The following ACTL6B variants were observed in gnomAD, a reference collection of about 807,000 sequenced individuals.
ACTL6B encodes the protein actin-like protein 6B.
Under a neutral mutation model 63.3 loss-of-function variants are expected in ACTL6B, and 48 were observed. The ratio of observed to expected loss-of-function variants is 0.76; its 90% CI spans 0.60 to 0.96. The LOEUF (loss-of-function observed/expected upper bound fraction) is 0.96. Ranked by LOEUF, ACTL6B falls within the 50% of genes least tolerant of loss-of-function variation. The pLI is 0.00. For missense variants in ACTL6B, 350 were observed against 572.2 expected, an observed-to-expected ratio of 0.61 and a Z score of 3.96; for synonymous variants, 230 against 223.8, an observed-to-expected ratio of 1.03 and a Z score of -0.25.
At chr7:100,653,373 G>A (rs1321047012) in intron 4 of ACTL6B, among the ~76,000 whole-genome samples, 1 of 152,124 alleles carries the variant, frequency 6.6e-6, no homozygotes, top group Non-Finnish European at 1.5e-5. Flanking sequence ...AACTGGGCTG[G>A]GTGTGGTGGA....
intron 4 of ACTL6B, 112 bp from the exon 5 acceptor site, chr7:100,650,247 C>T: frequency 1.2e-6 from 1 of 824,072 alleles, no homozygotes; most frequent in Non-Finnish European, 2.0e-6. Flanking sequence ...ACACACACAT[C>T]CAAACACTTG....
chr7:100,654,380 A>C (rs976168064), intron 4 of ACTL6B, among the ~76,000 whole-genome samples: 5 of 150,794 alleles, frequency 3.3e-5, no homozygotes, highest in African/African-American at 1.2e-4. Flanking sequence ...TGGCTTCCCA[A>C]AGTGTTGGGA....
rs982186670 is a variant in ACTL6B, at chr7:100,648,943, T to TC, written c.468-121dup. ...AGCCCATCCCCAGTCTGCAAATCTC[T>TC]CCCCCTGGTGATGACTCATCTCCTG... On this transcript the variant is annotated intron_variant, in intron 5 of 13. Transcript: ENST00000160382. The surrounding 1 kb of genome is among the most constrained non-coding windows in gnomAD (Gnocchi z 4.4). The TC allele has an allele frequency of 2.2e-6, 2 of 914,696 alleles. No homozygotes were observed. Among genetic ancestry groups the TC allele is most frequent in the African/African-American group, 1.7e-5 (1 of 58,838 alleles). The allele number at this position is 914,696 out of a possible 1,614,324, so 56.7% of individuals were successfully genotyped here.
intron 1 of ACTL6B, 146 bp downstream of exon 1, chr7:100,656,184 G>A: frequency 6.9e-6 from 7 of 1,013,494 alleles, no homozygotes; most frequent in Non-Finnish European, 7.9e-6. Flanking sequence ...GGGGAGGACC[G>A]AGCGCAGGGG....
In ACTL6B at chr7:100,646,674, C is replaced by T. The variant is rs368300317; in HGVS notation, c.1018-28G>A. On this transcript the variant is annotated intron_variant, in intron 11 of 13. Coordinates refer to ENST00000160382, the MANE Select transcript of ACTL6B (RefSeq NM_016188.5). This position sits in a 1 kb window ranked among gnomAD's most constrained non-coding sequence, Gnocchi z 6.1. ...GAGAGCAGGGAGAAGGAGTGAGCTG[C>T]GGGGGCAGCCCCCCAACCCCGTCTC... 1.5e-5 allele frequency: 24 copies of T among 1,613,360 alleles called. No homozygotes were observed. The highest frequency in any genetic ancestry group is 8.0e-5 in the African/African-American group (6 of 75,034).
intron 5 of ACTL6B, among the ~76,000 whole-genome samples, chr7:100,649,679 T>A (rs1390782854): frequency 6.6e-6 from 1 of 152,216 alleles, no homozygotes; most frequent in Non-Finnish European, 1.5e-5. Context: ...CAGGGTTCAA[T>A]GCAAGGCAGA....
At position 100,648,387 on chromosome 7, in the gene ACTL6B, C is replaced by T; in HGVS notation, c.669+169G>A. 1.6e-6 allele frequency: 1 copy of T among 613,432 alleles called. No individual in the cohort carries two copies. The highest frequency in any genetic ancestry group is 2.1e-5 in the South Asian group (1 of 46,696). The allele number at this position is 613,432 out of a possible 1,614,324, so 38.0% of individuals were successfully genotyped here. ...GGTTTCATGACCTCAGCATATCCCT[C>T]AGCCTGTCTGGATTTCGGATGCCTC... On this transcript the variant is annotated intron_variant, in intron 7 of 13. Transcript: ENST00000160382. The surrounding 1 kb of genome is among the most constrained non-coding windows in gnomAD (Gnocchi z 4.4).
chr7:100,646,875 C>T lies in ACTL6B; in HGVS notation c.937-44G>A, dbSNP rs776351615. The T allele has an allele frequency of 2.5e-6, 4 of 1,600,038 alleles. No homozygotes were observed. Among genetic ancestry groups the T allele is most frequent in the South Asian group, 2.2e-5 (2 of 90,042 alleles). On this transcript the variant is annotated intron_variant, in intron 10 of 13. Transcript: ENST00000160382. The surrounding 1 kb of genome is among the most constrained non-coding windows in gnomAD (Gnocchi z 6.1). ...GGGGCTGTGGGCTCTCTCCCCCTTC[C>T]CCCCAGACCCCTGCAATCCTTCCCA... is the stretch of plus-strand genomic sequence containing the variant.
chr7:100,649,994 C>G, intron 5 of ACTL6B, 44 bp downstream of exon 5: 1 of 1,581,460 alleles, frequency 6.3e-7, no homozygotes, highest in Non-Finnish European at 8.7e-7. Flanking sequence ...ACAGGCCCCA[C>G]CCCAGCCCTC....
chr7:100,648,887 T>C lies in ACTL6B; in HGVS notation c.468-64A>G, dbSNP rs1015671149. The C allele has an allele frequency of 2.0e-6, 3 of 1,503,098 alleles. No individual in the cohort carries two copies. The African/African-American group carries it at 4.1e-5, about 21-fold the overall frequency. 93.1% of individuals were successfully genotyped at this position (1,503,098 alleles called of 1,614,324 possible). A position where few individuals can be genotyped will look rare whatever the true frequency, so the allele number is the denominator to read the frequency against. Reference sequence around the variant, plus strand: ...AAGTGAGGGGCCTGGGCCCAGATCTTGTCTGGTCACTCTCTGCTCTACCGG... The same window carrying C: ...AAGTGAGGGGCCTGGGCCCAGATCTCGTCTGGTCACTCTCTGCTCTACCGG... On this transcript the variant is annotated intron_variant, in intron 5 of 13. Transcript: ENST00000160382. The surrounding 1 kb of genome is among the most constrained non-coding windows in gnomAD (Gnocchi z 4.4).
intron 4 of ACTL6B, among the ~76,000 whole-genome samples, chr7:100,652,142 T>C (rs1803950556): frequency 6.6e-6 from 1 of 150,926 alleles, no homozygotes; most frequent in African/African-American, 2.4e-5. Flanking sequence ...CTCACGCCTG[T>C]AATCCCAGCA....
In ACTL6B at chr7:100,647,600, ACTGTTCCCAGCTCTGCAGCTACCTGGCG is replaced by A; in HGVS notation, c.670-95_670-68del. On this transcript the variant is annotated intron_variant, in intron 7 of 13. Transcript: ENST00000160382. The surrounding 1 kb of genome is among the most constrained non-coding windows in gnomAD (Gnocchi z 4.4). ...TGACCCCCACCCCCACCTTCCTGGC[ACTGTTCCCAGCTCTGCAGCTACCTGGCG>A]CTGCAGGCTCTGCTGTGCTGCCTGC... 8.1e-7 allele frequency: 1 copy of A among 1,236,588 alleles called. No homozygotes were observed. The allele number at this position is 1,236,588 out of a possible 1,614,324, so 76.6% of individuals were successfully genotyped here.
rs763660899 is a variant in ACTL6B at position 100,646,671 on chromosome 7, C to T, written c.1018-25G>A. 7 of 1,613,650 alleles carry T rather than the reference C, an allele frequency of 4.3e-6. No individual in the cohort carries two copies. The Admixed American group carries it at 5.0e-5, about 12-fold the overall frequency. ...CCTGAGAGCAGGGAGAAGGAGTGAG[C>T]TGCGGGGGCAGCCCCCCAACCCCGT... On this transcript the variant is annotated intron_variant, in intron 11 of 13. Transcript: ENST00000160382. The surrounding 1 kb of genome is among the most constrained non-coding windows in gnomAD (Gnocchi z 6.1).
Position 100,655,161 on chromosome 7 carries a change from G to T in ACTL6B, c.269-42C>A. ...AGCGTGCAGAGACGCAAGAAGGCAG[G>T]CAGGGGACAGGGACAGGAAGAAAAG... On this transcript the variant is annotated intron_variant, in intron 3 of 13. Coordinates refer to ENST00000160382, the MANE Select transcript of ACTL6B (RefSeq NM_016188.5). This position sits in a 1 kb window ranked among gnomAD's most constrained non-coding sequence, Gnocchi z 4.4. 6.5e-7 allele frequency: 1 copy of T among 1,529,998 alleles called. No homozygotes were observed. Among genetic ancestry groups the T allele is most frequent in the Non-Finnish European group, 9.0e-7 (1 of 1,105,120 alleles). The allele number at this position is 1,529,998 out of a possible 1,614,324, so 94.8% of individuals were successfully genotyped here.
chr7:100,646,873 T>TC lies in ACTL6B; in HGVS notation c.937-43dup. ...CTGGGGCTGTGGGCTCTCTCCCCCT[T>TC]CCCCCCAGACCCCTGCAATCCTTCC... On this transcript the variant is annotated intron_variant, in intron 10 of 13. Coordinates refer to ENST00000160382, the MANE Select transcript of ACTL6B (RefSeq NM_016188.5). This position sits in a 1 kb window ranked among gnomAD's most constrained non-coding sequence, Gnocchi z 6.1. 2 of 1,598,530 alleles carry TC rather than the reference T, an allele frequency of 1.3e-6. No individual in the cohort carries two copies. The highest frequency in any genetic ancestry group is 1.3e-5 in the African/African-American group (1 of 74,394).
chr7:100,645,086 C>T (rs781251920), intron 13 of ACTL6B, among the ~76,000 whole-genome samples: 1 of 151,998 alleles, frequency 6.6e-6, no homozygotes, highest in Non-Finnish European at 1.5e-5. Context: ...AGGAAAAAAA[C>T]AAGAACTGTG....
In ACTL6B at chr7:100,648,931, T is replaced by G. The variant is rs1803876670; in HGVS notation, c.468-108A>C. The G allele has an allele frequency of 9.9e-7, 1 of 1,005,578 alleles. No homozygotes were observed. 62.3% of individuals were successfully genotyped at this position (1,005,578 alleles called of 1,614,324 possible). On this transcript the variant is annotated intron_variant, in intron 5 of 13. Coordinates refer to ENST00000160382, the MANE Select transcript of ACTL6B (RefSeq NM_016188.5). The surrounding 1 kb of genome is among the most constrained non-coding windows in gnomAD (Gnocchi z 4.4). ...CTACCGGGGTCCAGCCCATCCCCAG[T>G]CTGCAAATCTCTCCCCCTGGTGATG...
rs1803824686 is a variant in ACTL6B, at chr7:100,646,518, G to T, written c.1113+33C>A. The stretch of plus-strand genomic sequence containing the variant: ...CCTGGACAGCTGAGCCAGGACGGGT[G>T]TCCAGGGCTCTGGGTCAGGGGTGGG... On this transcript the variant is annotated intron_variant, in intron 12 of 13. Coordinates refer to ENST00000160382, the MANE Select transcript of ACTL6B (RefSeq NM_016188.5). The surrounding 1 kb of genome is among the most constrained non-coding windows in gnomAD (Gnocchi z 6.1). 1.2e-6 allele frequency: 2 copies of T among 1,608,468 alleles called. No individual in the cohort carries two copies. Among genetic ancestry groups the T allele is most frequent in the African/African-American group, 2.7e-5 (2 of 74,796 alleles).
chr7:100,645,140 C>G (rs563186212), intron 13 of ACTL6B, among the ~76,000 whole-genome samples: 1 of 152,288 alleles, frequency 6.6e-6, no homozygotes, highest in East Asian at 1.9e-4. Context: ...GACTGCCAGC[C>G]TCTGTCTTTC....
Sources: gnomAD v4.1 joint callset for allele counts (sites outside exome capture counted in the v4.1 genomes callset) on GRCh38, gnomAD v4.1.1 for gene constraint, Gnocchi (gnomAD v3.1) non-coding constraint, MANE v1.5 for transcripts, NCBI Gene and HGNC (gene_info 2026-07-23, HGNC 2026-07-21) for gene names.